PRKAG2: variants seen among roughly 807,000 people sequenced by gnomAD.
The protein encoded by PRKAG2 is protein kinase AMP-activated non-catalytic subunit gamma 2, also known as 5'-AMP-activated protein kinase subunit gamma-2.
PRKAG2 carries 26 observed loss-of-function variants against 69.6 expected under a neutral mutation model. That is an observed-to-expected ratio of 0.37 (90% CI 0.27 to 0.52). The LOEUF is 0.52. PRKAG2 is among the 20% of genes least tolerant of loss of function. The probability of loss-of-function intolerance (pLI) is 0.90; values close to 1 mark genes in which losing one functional copy is unlikely to be tolerated. For missense variants in PRKAG2, 557 were observed against 740.0 expected (o/e 0.75, Z 2.87); for synonymous variants, 293 against 285.0 (o/e 1.03, Z -0.28).
intron 1 of PRKAG2, among the ~76,000 whole-genome samples, chr7:151,876,146 C>T (rs968868986): frequency 6.6e-6 from 1 of 151,198 alleles, no homozygotes; most frequent in African/African-American, 2.4e-5. Flanking sequence ...GAGCGCAGTC[C>T]ACACCGTCCC....
In PRKAG2 at chr7:151,716,685, A is replaced by G. The variant is rs370628164; in HGVS notation, c.467-41048T>C. On this transcript the variant is annotated intron_variant, in intron 3 of 15. Transcript: ENST00000287878. ...ATAATCAACCTAAGAATGGGACTTC[A>G]TATAAACTCATTCTGCAAAGAACGG... is the stretch of plus-strand genomic sequence containing the variant. 2.0e-5 allele frequency among the ~76,000 whole-genome samples: 3 copies of G among 152,358 alleles called. No homozygotes were observed. The East Asian group carries it at 5.8e-4, about 29-fold the overall frequency.
At chr7:151,726,396 ACACACG>A (rs888391617) in intron 3 of PRKAG2, among the ~76,000 whole-genome samples, 2 of 145,970 alleles carry the variant, frequency 1.4e-5, no homozygotes, top group African/African-American at 2.5e-5. Context: ...ACACACACAC[ACACACG>A]CACACACACA....
rs1057338405 is a variant in PRKAG2 at position 151,583,805 on chromosome 7, GATAATT to G, written c.865-7359_865-7354del. On this transcript the variant is annotated intron_variant, in intron 6 of 15. Coordinates refer to ENST00000287878, the MANE Select transcript of PRKAG2 (RefSeq NM_016203.4). This position sits in a 1 kb window ranked among gnomAD's most constrained non-coding sequence, Gnocchi z 4.1. The stretch of plus-strand genomic sequence containing the variant: ...TTTCAACACATTTCAAAGCAAATGT[GATAATT>G]AGATAAGAAAAGATGGGAAATAAAA... 1.3e-5 allele frequency among the ~76,000 whole-genome samples: 2 copies of G among 152,130 alleles called. No homozygotes were observed. The highest frequency in any genetic ancestry group is 4.8e-5 in the African/African-American group (2 of 41,422).
At chr7:151,702,153 T>A (rs972609200) in intron 3 of PRKAG2, among the ~76,000 whole-genome samples, 5 of 152,202 alleles carry the variant, frequency 3.3e-5, no homozygotes, top group Admixed American at 3.3e-4. Flanking sequence ...CTTCCCCCTG[T>A]GCGGGGAGTT....
chr7:151,599,839 T>A (rs913104316), intron 5 of PRKAG2, among the ~76,000 whole-genome samples: 1 of 152,184 alleles, frequency 6.6e-6, no homozygotes, highest in Admixed American at 6.5e-5. Context: ...CCCTGACCTA[T>A]AAGACCTGGG....
At chr7:151,745,088 G>A (rs1253591593) in intron 3 of PRKAG2, among the ~76,000 whole-genome samples, 1 of 152,170 alleles carries the variant, frequency 6.6e-6, no homozygotes, top group African/African-American at 2.4e-5. Flanking sequence ...CAAGAGCCAG[G>A]CTGCCTCTGC....
At chr7:151,676,661 G>C (rs1390286110) in intron 3 of PRKAG2, among the ~76,000 whole-genome samples, 2 of 152,186 alleles carry the variant, frequency 1.3e-5, no homozygotes, top group African/African-American at 4.8e-5. Flanking sequence ...AGCAGAGCTG[G>C]AGATGCAGAG....
At chr7:151,837,633 G>A (rs916319793) in intron 1 of PRKAG2, 1 of 152,244 alleles carries the variant, frequency 6.6e-6, no homozygotes, top group Non-Finnish European at 1.5e-5. Context: ...CAGGGAGCAG[G>A]GGAGAGGCTT....
At chr7:151,700,298 G>C (rs1326014865) in intron 3 of PRKAG2, among the ~76,000 whole-genome samples, 2 of 152,164 alleles carry the variant, frequency 1.3e-5, no homozygotes, top group Non-Finnish European at 2.9e-5. Flanking sequence ...GTGGAGCTCA[G>C]GTTTGTAGAC....
At chr7:151,659,096 C>T (rs1829919880) in intron 4 of PRKAG2, among the ~76,000 whole-genome samples, 1 of 152,168 alleles carries the variant, frequency 6.6e-6, no homozygotes, top group Admixed American at 6.5e-5. Context: ...GCTGTTTGAA[C>T]AGAAATAAAA....
chr7:151,558,155 C>T (rs1446580188), intron 15 of PRKAG2: 3 of 985,312 alleles, frequency 3.0e-6, no homozygotes, highest in Non-Finnish European at 3.6e-6. Context: ...TTTGGACAGT[C>T]TAAGTTTGAC....
chr7:151,815,504 C>T (rs2078615472), intron 1 of PRKAG2, among the ~76,000 whole-genome samples: 1 of 152,178 alleles, frequency 6.6e-6, no homozygotes, highest in Non-Finnish European at 1.5e-5. Context: ...TAGGGACAGC[C>T]CCTGTACCCA....
intron 13 of PRKAG2, among the ~76,000 whole-genome samples, chr7:151,565,112 T>C (rs1805942160): frequency 6.6e-6 from 1 of 152,220 alleles, no homozygotes. Context: ...AAAATATGCA[T>C]GTATTGTAAA....
chr7:151,713,450 CT>C (rs528264620), intron 3 of PRKAG2, among the ~76,000 whole-genome samples: 1 of 152,148 alleles, frequency 6.6e-6, no homozygotes, highest in South Asian at 2.1e-4. Context: ...GCAGTATTTT[CT>C]TTTTTTACTT....
chr7:151,850,567 AG>A lies in PRKAG2; in HGVS notation c.114+25939del, dbSNP rs546702266. On this transcript the variant is annotated intron_variant, in intron 1 of 15. Transcript: ENST00000287878. This position sits in a 1 kb window ranked among gnomAD's most constrained non-coding sequence, Gnocchi z 4.1. ...AGCCCAAGCTCACACTCAGCCAAGG[AG>A]CCCCGAGCCTGGATTGGAACCCAGA... is the stretch of plus-strand genomic sequence containing the variant. 1.2e-3 allele frequency among the ~76,000 whole-genome samples: 183 copies of A among 152,306 alleles called. 1 individual carries two copies. The highest frequency in any genetic ancestry group is 4.2e-3 in the African/African-American group (174 of 41,564).
intron 1 of PRKAG2, among the ~76,000 whole-genome samples, chr7:151,841,663 T>C (rs147994376): frequency 0.044 from 2,937 of 66,382 alleles, 137 homozygotes; most frequent in African/African-American, 0.14. Context: ...ATGATGGTAG[T>C]GATGGTAGGT....
chr7:151,585,609 G>A (rs1178928518), intron 6 of PRKAG2, among the ~76,000 whole-genome samples: 1 of 152,196 alleles, frequency 6.6e-6, no homozygotes, highest in Non-Finnish European at 1.5e-5. Flanking sequence ...GCCATATCAA[G>A]TGATCCTATG....
chr7:151,847,696 C>A (rs1237995505), intron 1 of PRKAG2, among the ~76,000 whole-genome samples: 1 of 152,240 alleles, frequency 6.6e-6, no homozygotes, highest in East Asian at 1.9e-4. Flanking sequence ...TGGGGCTGCT[C>A]CAGCCCTTGC....
At chr7:151,739,344 T>G (rs1217333008) in intron 3 of PRKAG2, among the ~76,000 whole-genome samples, 1 of 152,224 alleles carries the variant, frequency 6.6e-6, no homozygotes, top group Non-Finnish European at 1.5e-5. Flanking sequence ...ACTTTTCTCA[T>G]GCAATTTCTA....
Sources: gnomAD v4.1 joint callset for allele counts (sites outside exome capture counted in the v4.1 genomes callset) on GRCh38, gnomAD v4.1.1 for gene constraint, Gnocchi (gnomAD v3.1) non-coding constraint, MANE v1.5 for transcripts, NCBI Gene and HGNC (gene_info 2026-07-23, HGNC 2026-07-21) for gene names.